Variants in ATAD3A observed in about 807,000 individuals in gnomAD.
ATAD3A encodes the protein ATPase family AAA domain-containing protein 3A.
Under a neutral mutation model 73.8 loss-of-function variants are expected in ATAD3A, and 46 were observed. The observed-to-expected ratio is 0.62, with a 90% CI of 0.49 to 0.80. The LOEUF (loss-of-function observed/expected upper bound fraction) is 0.80, where lower values mean the gene tolerates loss of function less well. Ranked by LOEUF, ATAD3A falls within the 30% of genes least tolerant of loss-of-function variation. ATAD3A has a pLI of 0.00. For synonymous variants in ATAD3A, 319 were observed against 350.0 expected (o/e 0.91, Z 0.99); for missense variants, 705 against 838.0 (o/e 0.84, Z 1.96).
At chr1:1,521,003 GA>G (rs1008941878) in intron 7 of ATAD3A, among the ~76,000 whole-genome samples, 63 of 151,796 alleles carry the variant, frequency 4.2e-4, no homozygotes, top group African/African-American at 1.5e-3. Context: ...CTTGTCTCAA[GA>G]AAAAAATTGT....
At chr1:1,527,666 G>GCATCCT (rs748161728) in intron 13 of ATAD3A, 29 bp from the exon 14 acceptor site, 24 of 1,588,582 alleles carry the variant, frequency 1.5e-5, no homozygotes, top group South Asian at 6.8e-5. Context: ...GGCAGCCCCA[G>GCATCCT]CATCCTCATC....
chr1:1,522,980 C>T, intron 8 of ATAD3A, 81 bp downstream of exon 8: 2 of 1,546,820 alleles, frequency 1.3e-6, no homozygotes, highest in South Asian at 1.2e-5. Context: ...CCACGCACAC[C>T]CTCCCGTCCC....
At chr1:1,516,125 C>T (rs777490160) in intron 2 of ATAD3A, 37 bp downstream of exon 2, 13 of 1,611,546 alleles carry the variant, frequency 8.1e-6, no homozygotes, top group East Asian at 2.2e-5. Flanking sequence ...GGCCGGGGCG[C>T]ACATGGGGTT....
intron 15 of ATAD3A, among the ~76,000 whole-genome samples, chr1:1,532,704 G>A (rs1488763573): frequency 6.6e-6 from 1 of 152,196 alleles, no homozygotes; most frequent in East Asian, 1.9e-4. Context: ...CACTCGGGTG[G>A]ACCCTGAGGG....
rs1399821974 is a variant in ATAD3A, at chr1:1,512,453, C to T, written c.185C>T (p.Ala62Val). 5.0e-5 allele frequency: 60 copies of T among 1,196,436 alleles called. No individual in the cohort carries two copies. Among genetic ancestry groups the T allele is most frequent in the African/African-American group, 6.8e-5 (4 of 58,682 alleles). The allele number at this position is 1,196,436 out of a possible 1,614,324, so 74.1% of individuals were successfully genotyped here. Reference sequence around the variant, plus strand: ...GGCCTGGAGCGCGCCGCCAAGGCGGCGCGCGAGCTGGAGCACTCGCGTGAG... The same window carrying T: ...GGCCTGGAGCGCGCCGCCAAGGCGGTGCGCGAGCTGGAGCACTCGCGTGAG... ...PTGLERAAKA[A>V]RELEHSRYAK... The change falls in exon 1 of 16, where the codon GCG (alanine) becomes GTG (valine). Residue 62 changes from alanine (A) to valine (V), a missense_variant. This residue lies in a region of ATAD3A where 125 missense variants were observed against 170.6 expected (regional missense o/e 0.73). Coordinates refer to ENST00000378756, the MANE Select transcript of ATAD3A (RefSeq NM_001170535.3).
At chr1:1,525,035 C>A (rs1272936273) in intron 11 of ATAD3A, among the ~76,000 whole-genome samples, 1 of 152,192 alleles carries the variant, frequency 6.6e-6, no homozygotes, top group Non-Finnish European at 1.5e-5. Flanking sequence ...TGGTTTCCCA[C>A]GGCCTTCTGA....
Position 1,525,359 on chromosome 1 carries a change from G to C in ATAD3A, c.1266+68G>C, listed in dbSNP as rs571074509. ...GGGCACAGCCGTCTGCCTGGGCCAG[G>C]CTGCAGCCCTCTGTTCAGTTTCTTT... On this transcript the variant is annotated intron_variant, in intron 12 of 15. Transcript: ENST00000378756. 5.8e-5 allele frequency: 92 copies of C among 1,592,094 alleles called. No individual in the cohort carries two copies. The South Asian group carries it at 9.4e-4, about 16-fold the overall frequency.
In ATAD3A at chr1:1,522,225, GAGAC is replaced by G. The variant is rs1460915070; in HGVS notation, c.751-518_751-515del. On this transcript the variant is annotated intron_variant, in intron 7 of 15. Transcript: ENST00000378756. ...CAGCTAATTTTTTGTATTTTTAGTA[GAGAC>G]GGGGTTTCTCCATGTGGGTTAGGCT... Among the ~76,000 whole-genome samples the G allele has an allele frequency of 2.6e-5, 4 of 152,204 alleles. No homozygotes were observed. In the East Asian group the frequency reaches 7.7e-4, roughly 29 times the overall value.
At chr1:1,512,761 C>T (rs1641243676) in intron 1 of ATAD3A, 1 of 1,098,496 alleles carries the variant, frequency 9.1e-7, no homozygotes, top group African/African-American at 1.7e-5. Flanking sequence ...CCGTGGTCTT[C>T]AGTTACCGCC....
intron 15 of ATAD3A, 149 bp downstream of exon 15, chr1:1,529,480 C>G: frequency 1.4e-6 from 2 of 1,445,406 alleles, no homozygotes; most frequent in South Asian, 2.9e-5. Context: ...GGCCCCCTGC[C>G]CCAGTCAGGC....
At chr1:1,515,934 C>T in intron 1 of ATAD3A, 78 bp from the exon 2 acceptor site, 1 of 1,553,142 alleles carries the variant, frequency 6.4e-7, no homozygotes, top group Non-Finnish European at 8.8e-7. Flanking sequence ...TTCCAGAAAG[C>T]CCCTTGGCTG....
intron 4 of ATAD3A, among the ~76,000 whole-genome samples, chr1:1,518,102 C>T (rs1341039285): frequency 2.0e-5 from 3 of 151,364 alleles, no homozygotes; most frequent in Non-Finnish European, 4.4e-5. Flanking sequence ...CGGGCCCACA[C>T]ACAGACACCC....
Position 1,523,488 on chromosome 1 carries a change from C to T in ATAD3A, c.907-23C>T, listed in dbSNP as rs375607754. 3.1e-4 allele frequency: 506 copies of T among 1,607,460 alleles called. No individual in the cohort carries two copies. The highest frequency in any genetic ancestry group is 3.8e-4 in the Non-Finnish European group (443 of 1,177,592). Reference sequence around the variant, plus strand: ...GTGGCTGTGGCAGGTGACCCGATGGCGCTTCCCCTTCCCCTCCGGCAGGTC... The same window carrying T: ...GTGGCTGTGGCAGGTGACCCGATGGTGCTTCCCCTTCCCCTCCGGCAGGTC... On this transcript the variant is annotated intron_variant, in intron 8 of 15. Transcript: ENST00000378756. This position sits in a 1 kb window ranked among gnomAD's most constrained non-coding sequence, Gnocchi z 5.1.
chr1:1,522,665 G>C, intron 7 of ATAD3A, 79 bp from the exon 8 acceptor site: 1 of 1,584,532 alleles, frequency 6.3e-7, no homozygotes, highest in Non-Finnish European at 8.6e-7. Context: ...AGAGAGGGTG[G>C]GGGCAGCCCC....
Position 1,520,734 on chromosome 1 carries a change from G to C in ATAD3A, c.750+117G>C, listed in dbSNP as rs1162402192. The C allele has an allele frequency of 1.6e-5, 24 of 1,513,152 alleles. No individual in the cohort carries two copies. The highest frequency in any genetic ancestry group is 2.8e-5 in the African/African-American group (2 of 71,954). The allele number at this position is 1,513,152 out of a possible 1,614,324, so 93.7% of individuals were successfully genotyped here. ...GCACAGCCCTGTAGCTCTCCCAGCAGGGAGGAAGCCCACGTTGTACCTGCT... is the reference window on the plus strand; with the variant it reads ...GCACAGCCCTGTAGCTCTCCCAGCACGGAGGAAGCCCACGTTGTACCTGCT... On this transcript the variant is annotated intron_variant, in intron 7 of 15. Transcript: ENST00000378756. The surrounding 1 kb of genome is among the most constrained non-coding windows in gnomAD (Gnocchi z 4.0).
intron 4 of ATAD3A, among the ~76,000 whole-genome samples, chr1:1,518,046 T>G (rs1248444656): frequency 1.3e-5 from 2 of 150,150 alleles, no homozygotes; most frequent in African/African-American, 4.9e-5. Context: ...CACAGACAGG[T>G]GCACCCACTT....
At position 1,528,683 on chromosome 1, in the gene ATAD3A, C is replaced by T. The variant is rs540076749; in HGVS notation, c.1506-540C>T. On this transcript the variant is annotated intron_variant, in intron 14 of 15. Coordinates refer to ENST00000378756, the MANE Select transcript of ATAD3A (RefSeq NM_001170535.3). ...GAGCAGAGGCTGCTCCACTTCTTGG[C>T]GTCCCCCGGGCCCCGGTTTCTGAGT... Among the ~76,000 whole-genome samples the T allele has an allele frequency of 2.6e-5, 4 of 152,386 alleles. No individual in the cohort carries two copies. In the South Asian group the frequency reaches 6.2e-4, roughly 24 times the overall value.
Position 1,525,291 on chromosome 1 carries a change from C to T in ATAD3A, c.1266C>T (p.Thr422=), listed in dbSNP as rs149995099. The part of the protein sequence containing the change: ...EADAFLRKRA[T]EKISEDLRAT... Reference sequence around the variant, plus strand: ...ACGCCTTCCTTCGGAAGCGAGCCACCGTGAGTGTCACTAAGCCTCTGGCCA... The same window carrying T: ...ACGCCTTCCTTCGGAAGCGAGCCACTGTGAGTGTCACTAAGCCTCTGGCCA... Residue 422 remains threonine, a splice_region_variant and synonymous_variant, in exon 12 of 16, where the codon ACC becomes ACT. Coordinates refer to ENST00000378756, the MANE Select transcript of ATAD3A (RefSeq NM_001170535.3). 4.3e-4 allele frequency: 692 copies of T among 1,613,386 alleles called. 1 individual carries two copies. The highest frequency in any genetic ancestry group is 3.9e-3 in the African/African-American group (293 of 74,976).
At chr1:1,530,066 C>G (rs1353010332) in intron 15 of ATAD3A, among the ~76,000 whole-genome samples, 1 of 152,166 alleles carries the variant, frequency 6.6e-6, no homozygotes, top group Non-Finnish European at 1.5e-5. Context: ...ATGAAGCAGC[C>G]GAGTACCTTG....
Sources: allele counts gnomAD v4.1 joint callset (sites outside exome capture counted in the v4.1 genomes callset), GRCh38; gene constraint gnomAD v4.1.1; regional missense constraint gnomAD v4.1.1; non-coding constraint Gnocchi (gnomAD v3.1); transcripts MANE v1.5; gene names NCBI Gene and HGNC (gene_info 2026-07-23, HGNC 2026-07-21).